Variants in HSPH1 observed in about 807,000 individuals in gnomAD.
The protein encoded by HSPH1 is heat shock protein 105 kDa.
A neutral mutation model predicts 100.0 loss-of-function variants in HSPH1; 40 were observed. The observed-to-expected ratio is 0.40, with a 90% confidence interval of 0.31 to 0.52. The LOEUF is 0.52. Ranked by LOEUF, HSPH1 falls within the 20% of genes least tolerant of loss-of-function variation. The pLI, the probability that HSPH1 is intolerant of heterozygous loss-of-function variation, is 0.54. For missense variants in HSPH1, 876 were observed against 1,015.1 expected (o/e 0.86, Z 1.86); for synonymous variants, 403 against 344.0 (o/e 1.17, Z -1.90).
intron 2 of HSPH1, among the ~76,000 whole-genome samples, chr13:31,157,809 G>A (rs537870974): frequency 1.3e-5 from 2 of 152,262 alleles, no homozygotes; most frequent in African/African-American, 4.8e-5. Context: ...AAATTTTGTA[G>A]CAGCCACGTT....
intron 17 of HSPH1, 126 bp from the exon 18 acceptor site, chr13:31,137,650 T>C (rs1283180051): frequency 1.5e-6 from 1 of 685,972 alleles, no homozygotes; most frequent in African/African-American, 1.8e-5. Flanking sequence ...TAATTACATT[T>C]TCTCATTACA....
intron 14 of HSPH1, among the ~76,000 whole-genome samples, chr13:31,139,939 C>CA (rs201884282): frequency 0.011 from 1,604 of 152,060 alleles, 16 homozygotes; most frequent in Middle Eastern, 0.034. Context: ...ACAGTAATGC[C>CA]ATAGACTCTA....
intron 1 of HSPH1, among the ~76,000 whole-genome samples, chr13:31,161,146 G>T (rs1431748211): frequency 6.6e-6 from 1 of 152,182 alleles, no homozygotes; most frequent in Non-Finnish European, 1.5e-5. Flanking sequence ...AAAAGGGAGC[G>T]AAGTTGCGGG....
upstream of HSPH1, chr13:31,162,133 C>G (rs1010020985): frequency 6.6e-7 from 1 of 1,523,938 alleles, no homozygotes; most frequent in South Asian, 1.2e-5. Flanking sequence ...TGGCTCAAAC[C>G]TGCCTCCGCC....
intron 6 of HSPH1, 180 bp downstream of exon 6, chr13:31,151,429 T>A: frequency 5.9e-6 from 4 of 675,816 alleles, no homozygotes; most frequent in Non-Finnish European, 9.6e-6. Flanking sequence ...CTTAAGAGTA[T>A]GCTAAGACAA....
chr13:31,139,077 C>T lies in HSPH1; in HGVS notation c.2011G>A (p.Glu671Lys). 1 of 1,612,536 alleles carries T rather than the reference C, an allele frequency of 6.2e-7. No homozygotes were observed. Among genetic ancestry groups the T allele is most frequent in the Non-Finnish European group, 8.5e-7 (1 of 1,178,780 alleles). ...DHQNFLRLLT[E>K]TEDWLYEEGE... ...TCTTCATACAGCCAGTCTTCAGTTT[C>T]TGTGAGGAGTCTCAAAAAATTTTGA... Residue 671 changes from glutamate (E) to lysine (K), a missense_variant, in exon 15 of 18, where the codon GAA becomes AAA. Physicochemically the swap from Glu to Lys is moderately conservative, Grantham distance 56. Transcript: ENST00000320027.
chr13:31,149,784 C>T (rs1188184251), intron 8 of HSPH1, among the ~76,000 whole-genome samples, 170 bp downstream of exon 8: 1 of 152,122 alleles, frequency 6.6e-6, no homozygotes, highest in Admixed American at 6.6e-5. Flanking sequence ...TTGAAATTTA[C>T]TGGATCTTTT....
Position 31,161,616 on chromosome 13 carries a change from C to G in HSPH1, c.-34G>C. ...CGCGGTCCGCCTCCGCCTCGGGTCT[C>G]GGTCTGCGTCCTCCGGCCCCCTGCC... On this transcript the variant is annotated 5_prime_UTR_variant, in exon 1 of 18. Coordinates refer to ENST00000320027, the MANE Select transcript of HSPH1 (RefSeq NM_006644.4). The G allele has an allele frequency of 6.2e-7, 1 of 1,608,816 alleles. No homozygotes were observed. Among genetic ancestry groups the G allele is most frequent in the Non-Finnish European group, 8.5e-7 (1 of 1,179,318 alleles).
At chr13:31,137,673 C>T in intron 17 of HSPH1, 149 bp from the exon 18 acceptor site, 1 of 639,714 alleles carries the variant, frequency 1.6e-6, no homozygotes, top group Non-Finnish European at 2.7e-6. Context: ...TGCCCCAAAC[C>T]ACAGTTTACA....
intron 4 of HSPH1, chr13:31,154,157 T>C (rs775436661): frequency 1.6e-5 from 3 of 184,524 alleles, no homozygotes; most frequent in Non-Finnish European, 3.4e-5. Context: ...TTTTGTCCAT[T>C]TCAAGTACCC....
rs1278632392 is a variant in HSPH1, at chr13:31,136,369, C to CA, written c.*948dup. The CA allele has an allele frequency of 6.6e-6, 1 of 152,070 alleles. No individual in the cohort carries two copies. The highest frequency in any genetic ancestry group is 1.9e-4 in the East Asian group (1 of 5,198). 9.4% of individuals were successfully genotyped at this position (152,070 alleles called of 1,614,324 possible). A position where few individuals can be genotyped will look rare whatever the true frequency, so the allele number is the denominator to read the frequency against. ...CCCCATCATTAGGGGTAAAAGGCTC[C>CA]AAGGATGTATAACGAAGTGTTAACA... On this transcript the variant is annotated 3_prime_UTR_variant, in exon 18 of 18. Transcript: ENST00000320027.
intron 16 of HSPH1, 37 bp downstream of exon 16, chr13:31,138,744 G>A (rs1422917052): frequency 1.3e-6 from 2 of 1,580,222 alleles, no homozygotes; most frequent in Non-Finnish European, 1.7e-6. Context: ...TAAAATCTAG[G>A]TTAACTTCCT....
intron 16 of HSPH1, 101 bp downstream of exon 16, chr13:31,138,680 A>G: frequency 6.5e-7 from 1 of 1,527,690 alleles, no homozygotes; most frequent in Non-Finnish European, 8.8e-7. Context: ...TCAAATACCA[A>G]AATTTCAAAG....
At position 31,140,196 on chromosome 13, in the gene HSPH1, A is replaced by C; in HGVS notation, c.1968T>G (p.Phe656Leu). Residue 656 changes from phenylalanine (F) to leucine (L), a missense_variant, in exon 14 of 18, where the codon TTT (phenylalanine) becomes TTG (leucine). Transcript: ENST00000320027. ...RDKLCGPYEK[F>L]ICEQDHQNFL... The stretch of plus-strand genomic sequence containing the variant: ...CTCTAAGACATACCTGCTCACATAT[A>C]AATTTTTCATATGGTCCACACAGCT... 1.2e-6 allele frequency: 2 copies of C among 1,611,140 alleles called. No homozygotes were observed. Among genetic ancestry groups the C allele is most frequent in the Non-Finnish European group, 1.7e-6 (2 of 1,178,256 alleles).
intron 5 of HSPH1, 143 bp from the exon 6 acceptor site, chr13:31,151,885 C>G: frequency 1.6e-6 from 1 of 622,722 alleles, no homozygotes; most frequent in South Asian, 2.1e-5. Context: ...TTATACCTGA[C>G]TTCACACTGA....
rs183116868 is a variant in HSPH1, at chr13:31,158,922, T to C, written c.108-59A>G. 35 of 1,044,640 alleles carry C rather than the reference T, an allele frequency of 3.4e-5. 1 individual carries two copies. The Admixed American group carries it at 4.7e-4, about 14-fold the overall frequency. The allele number at this position is 1,044,640 out of a possible 1,614,324, so 64.7% of individuals were successfully genotyped here. A position where few individuals can be genotyped will look rare whatever the true frequency, so the allele number is the denominator to read the frequency against. ...CATAAAGGTTGATATTTTAAACTGA[T>C]AAGAGAAAAATACTAACATAAATGT... On this transcript the variant is annotated intron_variant, in intron 1 of 17. Coordinates refer to ENST00000320027, the MANE Select transcript of HSPH1 (RefSeq NM_006644.4).
rs752347787 is a variant in HSPH1 at position 31,155,582 on chromosome 13, T to C, written c.238A>G (p.Ile80Val). 1 of 1,611,742 alleles carries C rather than the reference T, an allele frequency of 6.2e-7. No homozygotes were observed. Among genetic ancestry groups the C allele is most frequent in the South Asian group, 1.1e-5 (1 of 90,922 alleles). The change falls in exon 3 of 18, where the codon ATT (isoleucine) becomes GTT (valine). Residue 80 changes from isoleucine to valine, a missense_variant. Transcript: ENST00000320027. ...CTCAAGTTTTCCTTCTCCTTTTGAA[T>C]GAAGGGGTCATTGAATGCTCGGCCA... The part of the protein sequence containing the change: ...FHGRAFNDPF[I>V]QKEKENLSYD...
At chr13:31,159,037 G>A (rs777263635) in intron 1 of HSPH1, among the ~76,000 whole-genome samples, 174 bp from the exon 2 acceptor site, 2 of 152,180 alleles carry the variant, frequency 1.3e-5, no homozygotes, top group African/African-American at 4.8e-5. Flanking sequence ...CCACTTAATT[G>A]CTGCTCTGAG....
chr13:31,140,063 T>C (rs1956032759), intron 14 of HSPH1, 121 bp downstream of exon 14: 2 of 985,252 alleles, frequency 2.0e-6, no homozygotes, highest in East Asian at 2.5e-5. Flanking sequence ...ATAACTTTGT[T>C]TTCTGTTTCT....
Sources: allele counts gnomAD v4.1 joint callset (sites outside exome capture counted in the v4.1 genomes callset), GRCh38; gene constraint gnomAD v4.1.1; transcripts MANE v1.5; gene names NCBI Gene and HGNC (gene_info 2026-07-23, HGNC 2026-07-21).